The following USP32 variants were observed in gnomAD, a reference collection of about 807,000 sequenced individuals.
The protein encoded by USP32 is ubiquitin carboxyl-terminal hydrolase 32.
A neutral mutation model predicts 204.8 loss-of-function variants in USP32; 59 were observed. The observed-to-expected ratio is 0.29, with a 90% CI of 0.23 to 0.36. The LOEUF (loss-of-function observed/expected upper bound fraction) is 0.36, where lower values mean the gene tolerates loss of function less well. Ranked by LOEUF, USP32 falls within the 10% of genes least tolerant of loss-of-function variation. USP32 has a pLI of 1.00. For synonymous variants in USP32, 517 were observed against 678.4 expected (o/e 0.76, Z 3.70); for missense variants, 1,160 against 1,946.4 (o/e 0.60, Z 7.60).
chr17:60,342,886 A>G (rs2145996404), intron 2 of USP32, among the ~76,000 whole-genome samples: 1 of 152,308 alleles, frequency 6.6e-6, no homozygotes, highest in African/African-American at 2.4e-5. Flanking sequence ...TTCCTGGGTG[A>G]GGCAACGCCC....
At chr17:60,363,098 T>C (rs1476115201) in intron 1 of USP32, among the ~76,000 whole-genome samples, 3 of 152,020 alleles carry the variant, frequency 2.0e-5, no homozygotes, top group Non-Finnish European at 4.4e-5. Context: ...AAGATCAGCC[T>C]GGGCAACACA....
chr17:60,270,176 T>C (rs2086690970), intron 6 of USP32, among the ~76,000 whole-genome samples: 1 of 152,168 alleles, frequency 6.6e-6, no homozygotes, highest in East Asian at 1.9e-4. Flanking sequence ...AAAAAAGAAA[T>C]GAAACAATTT....
chr17:60,225,343 G>A (rs2085355759), intron 13 of USP32, among the ~76,000 whole-genome samples: 1 of 152,138 alleles, frequency 6.6e-6, no homozygotes, highest in Non-Finnish European at 1.5e-5. Context: ...TGTAGTCCCA[G>A]CTTCTTAGGA....
intron 12 of USP32, among the ~76,000 whole-genome samples, chr17:60,234,218 T>C (rs1027822933): frequency 2.7e-5 from 4 of 150,614 alleles, no homozygotes; most frequent in African/African-American, 7.3e-5. Context: ...GGTTCAAGCC[T>C]TTCTCCTGCC....
chr17:60,351,331 G>C (rs375687153), intron 1 of USP32, among the ~76,000 whole-genome samples: 1 of 151,990 alleles, frequency 6.6e-6, no homozygotes, highest in Non-Finnish European at 1.5e-5. Flanking sequence ...AAGTAGCTGG[G>C]ACTACAGGCA....
intron 25 of USP32, among the ~76,000 whole-genome samples, chr17:60,205,936 C>T (rs2084814972): frequency 6.6e-6 from 1 of 152,260 alleles, no homozygotes; most frequent in Admixed American, 6.5e-5. Context: ...TTGTAGCACA[C>T]AAACAGTTCT....
chr17:60,338,252 GA>G (rs1000229925), intron 2 of USP32, among the ~76,000 whole-genome samples: 3 of 150,918 alleles, frequency 2.0e-5, no homozygotes, highest in East Asian at 2.0e-4. Context: ...TTGAACCTGG[GA>G]ACTGGAGGTC....
intron 2 of USP32, among the ~76,000 whole-genome samples, chr17:60,308,882 C>T (rs762821493): frequency 2.0e-5 from 3 of 152,152 alleles, no homozygotes; most frequent in Non-Finnish European, 4.4e-5. Context: ...TGAGCCGAGA[C>T]TGTGCCACTG....
At chr17:60,319,274 A>T (rs2088057211) in intron 2 of USP32, among the ~76,000 whole-genome samples, 1 of 152,232 alleles carries the variant, frequency 6.6e-6, no homozygotes, top group Non-Finnish European at 1.5e-5. Flanking sequence ...CACAACAAAA[A>T]TTTTAAAACA....
At chr17:60,298,713 A>G (rs2044045176) in intron 3 of USP32, among the ~76,000 whole-genome samples, 1 of 152,146 alleles carries the variant, frequency 6.6e-6, no homozygotes, top group Non-Finnish European at 1.5e-5. Flanking sequence ...AAGAAATGCT[A>G]ATTTGCAAAA....
chr17:60,240,885 C>T (rs188858445), intron 11 of USP32, among the ~76,000 whole-genome samples: 30 of 152,276 alleles, frequency 2.0e-4, no homozygotes, highest in Admixed American at 1.6e-3. Flanking sequence ...GAACTTCTGA[C>T]GAATAACCCT....
intron 1 of USP32, among the ~76,000 whole-genome samples, chr17:60,412,228 G>A (rs2090023951): frequency 6.6e-6 from 1 of 152,164 alleles, no homozygotes; most frequent in Admixed American, 6.6e-5. Flanking sequence ...CCCAAGCCAG[G>A]TGTGGTGGCT....
intron 2 of USP32, among the ~76,000 whole-genome samples, chr17:60,330,524 C>A (rs535887117): frequency 6.8e-6 from 1 of 147,316 alleles, no homozygotes; most frequent in Non-Finnish European, 1.5e-5. Context: ...CTCTCCCCCC[C>A]TCCCTCCTTT....
chr17:60,339,322 C>T (rs978272970), intron 2 of USP32, among the ~76,000 whole-genome samples: 1 of 152,010 alleles, frequency 6.6e-6, no homozygotes, highest in African/African-American at 2.4e-5. Context: ...GTGGCTTACA[C>T]CTGTAATCCC....
intron 23 of USP32, 101 bp downstream of exon 23, chr17:60,208,553 G>A (rs1306520291): frequency 7.9e-6 from 11 of 1,393,696 alleles, no homozygotes; most frequent in African/African-American, 1.5e-5. Flanking sequence ...GCTGACTACC[G>A]GTCTTTATTT....
At chr17:60,381,426 G>A (rs950940391) in intron 1 of USP32, among the ~76,000 whole-genome samples, 4 of 150,278 alleles carry the variant, frequency 2.7e-5, no homozygotes, top group African/African-American at 5.0e-5. Context: ...GGGTGACAGA[G>A]GGAGACCCTG....
chr17:60,280,289 G>A (rs1417026767), intron 5 of USP32, among the ~76,000 whole-genome samples: 2 of 152,012 alleles, frequency 1.3e-5, no homozygotes, highest in Admixed American at 1.3e-4. Flanking sequence ...TAGAGACGGG[G>A]TTTCACCATG....
chr17:60,258,590 T>C (rs898212665), intron 9 of USP32, among the ~76,000 whole-genome samples: 2 of 152,258 alleles, frequency 1.3e-5, no homozygotes, highest in Admixed American at 6.5e-5. Flanking sequence ...TAGGGTGTTG[T>C]ATACTTAGAA....
At chr17:60,404,039 CAAAA>C (rs76866814) in intron 1 of USP32, among the ~76,000 whole-genome samples, 1 of 101,530 alleles carries the variant, frequency 9.8e-6, no homozygotes. Context: ...GACCCTGCCT[CAAAA>C]AAAAAAAAAA....
Sources: gnomAD v4.1 joint callset for allele counts (sites outside exome capture counted in the v4.1 genomes callset) on GRCh38, gnomAD v4.1.1 for gene constraint, MANE v1.5 for transcripts, NCBI Gene and HGNC (gene_info 2026-07-23, HGNC 2026-07-21) for gene names.